Variants in CDH23 observed in about 807,000 individuals in gnomAD.
CDH23 encodes the protein cadherin-23.
A neutral mutation model predicts 317.1 loss-of-function variants in CDH23; 189 were observed. That is an observed-to-expected ratio of 0.60 (90% CI 0.53 to 0.67). CDH23 has a LOEUF of 0.67. Ranked by LOEUF, CDH23 falls within the 30% of genes least tolerant of loss-of-function variation. The pLI is 0.00. For synonymous variants in CDH23, 1,839 were observed against 1,876.8 expected (o/e 0.98, Z 0.52); for missense variants, 4,401 against 4,592.4 (o/e 0.96, Z 1.20).
intron 14 of CDH23, among the ~76,000 whole-genome samples, chr10:71,657,568 G>A (rs961573467): frequency 2.6e-5 from 4 of 152,130 alleles, no homozygotes; most frequent in Non-Finnish European, 2.9e-5. Flanking sequence ...AGGTAGGCCC[G>A]GTCCACAGGC....
At chr10:71,739,145 G>A (rs949544420) in intron 35 of CDH23, among the ~76,000 whole-genome samples, 7 of 152,226 alleles carry the variant, frequency 4.6e-5, no homozygotes, top group Non-Finnish European at 7.3e-5. Flanking sequence ...CTAGGGGGTC[G>A]AGGGATGCTG....
At chr10:71,480,393 CACTGCTG>C (rs1328539352) in intron 3 of CDH23, among the ~76,000 whole-genome samples, 1 of 152,262 alleles carries the variant, frequency 6.6e-6, no homozygotes, top group African/African-American at 2.4e-5. Context: ...AGGATGCAGA[CACTGCTG>C]TCCGGGTCGG....
At chr10:71,562,591 G>A (rs1044305568) in intron 6 of CDH23, among the ~76,000 whole-genome samples, 2 of 152,222 alleles carry the variant, frequency 1.3e-5, no homozygotes, top group Non-Finnish European at 2.9e-5. Context: ...CCCATGGCTG[G>A]GCATGTTCTG....
At chr10:71,556,562 G>T (rs1416343158) in intron 6 of CDH23, among the ~76,000 whole-genome samples, 1 of 151,602 alleles carries the variant, frequency 6.6e-6, no homozygotes, top group East Asian at 1.9e-4. Context: ...GTCCAGTCTG[G>T]GTGACAGAGC....
chr10:71,709,280 G>C, intron 27 of CDH23, 69 bp downstream of exon 27: 2 of 1,425,940 alleles, frequency 1.4e-6, no homozygotes, highest in Non-Finnish European at 2.0e-6. Flanking sequence ...CCTCCCAGGA[G>C]CTGGCCTTTT....
intron 9 of CDH23, among the ~76,000 whole-genome samples, chr10:71,593,445 C>T (rs940974626): frequency 6.6e-6 from 1 of 152,150 alleles, no homozygotes; most frequent in African/African-American, 2.4e-5. Flanking sequence ...ACCCCCGGAG[C>T]ACATGCCATA....
chr10:71,524,527 T>A (rs1480375025), intron 6 of CDH23, among the ~76,000 whole-genome samples: 1 of 152,146 alleles, frequency 6.6e-6, no homozygotes, highest in Non-Finnish European at 1.5e-5. Flanking sequence ...GGAAATCGCG[T>A]CATCTAATGG....
intron 6 of CDH23, among the ~76,000 whole-genome samples, chr10:71,547,926 T>C (rs937116683): frequency 2.6e-5 from 4 of 152,166 alleles, no homozygotes; most frequent in African/African-American, 9.7e-5. Context: ...AGCAGCCACT[T>C]GGCGTGCTTG....
chr10:71,417,077 C>CT (rs746799140), intron 1 of CDH23, among the ~76,000 whole-genome samples: 194 of 88,666 alleles, frequency 2.2e-3, no homozygotes, highest in East Asian at 0.019. Context: ...CTTTTCTTTT[C>CT]TTTTTTTTTT....
At chr10:71,680,767 A>G (rs1010539732) in intron 17 of CDH23, among the ~76,000 whole-genome samples, 1 of 148,400 alleles carries the variant, frequency 6.7e-6, no homozygotes, top group Non-Finnish European at 1.5e-5. Flanking sequence ...AAAAAAAGAA[A>G]AAGAAATTGC....
intron 9 of CDH23, among the ~76,000 whole-genome samples, chr10:71,596,802 C>T (rs758240147): frequency 1.3e-5 from 2 of 152,132 alleles, no homozygotes; most frequent in African/African-American, 4.8e-5. Flanking sequence ...GGGGGGAGCA[C>T]GTAGGATCTT....
At chr10:71,411,118 T>C (rs1195547936) in intron 1 of CDH23, among the ~76,000 whole-genome samples, 1 of 152,236 alleles carries the variant, frequency 6.6e-6, no homozygotes, top group Non-Finnish European at 1.5e-5. Flanking sequence ...AATTTTGGCT[T>C]TCTGCATTTA....
rs1230443599 is a variant in CDH23 at position 71,760,018 on chromosome 10, C to CATACAT, written c.4846-17661_4846-17660insTACATA. Among the ~76,000 whole-genome samples, 105 of 104,188 alleles carry CATACAT rather than the reference C, an allele frequency of 1.0e-3. 6 individuals carry two copies. The highest frequency in any genetic ancestry group is 1.6e-3 in the South Asian group (5 of 3,200). 68.4% of individuals were successfully genotyped at this position (104,188 alleles called of 152,430 possible). A position where few individuals can be genotyped will look rare whatever the true frequency, so the allele number is the denominator to read the frequency against. On this transcript the variant is annotated intron_variant, in intron 38 of 69. Coordinates refer to ENST00000224721, the MANE Select transcript of CDH23 (RefSeq NM_022124.6). ...ACACACATACATATATATACACACA[C>CATACAT]ACATATATACACACACACACATATA... is the stretch of plus-strand genomic sequence containing the variant.
Position 71,569,572 on chromosome 10 carries a change from C to A in CDH23, c.625-1218C>A, listed in dbSNP as rs144037275. Among the ~76,000 whole-genome samples the A allele has an allele frequency of 1.6e-4, 25 of 152,326 alleles. No homozygotes were observed. In the East Asian group the frequency reaches 3.7e-3, roughly 22 times the overall value. On this transcript the variant is annotated intron_variant, in intron 7 of 69. Transcript: ENST00000224721. ...TTACTCAGCAAATTAAGAGACCGAA[C>A]TGATGTTAGAGCCCCAAGTCAAAAC...
rs1401918755 is a variant in CDH23, at chr10:71,811,956, G to A, written c.9321G>A (p.Gly3107=). 1 of 1,613,614 alleles carries A rather than the reference G, an allele frequency of 6.2e-7. No individual in the cohort carries two copies. Among genetic ancestry groups the A allele is most frequent in the Non-Finnish European group, 8.5e-7 (1 of 1,179,788 alleles). ...ATGCCCCAACCCTTCTCCCTGCAGGGAATCGTGGCTTCATCGACATCATGG... is the reference window on the plus strand; with the variant it reads ...ATGCCCCAACCCTTCTCCCTGCAGGAAATCGTGGCTTCATCGACATCATGG... ...KLKAIVAGSA[G]NRGFIDIMDM... is the part of the protein sequence containing the mutation. The change falls in exon 66 of 70, where the codon GGG becomes GGA. Residue 3107 remains glycine, a splice_region_variant and synonymous_variant. Coordinates refer to ENST00000224721, the MANE Select transcript of CDH23 (RefSeq NM_022124.6).
intron 3 of CDH23, among the ~76,000 whole-genome samples, chr10:71,452,636 C>T (rs960118955): frequency 3.3e-5 from 5 of 152,182 alleles, no homozygotes; most frequent in African/African-American, 1.2e-4. Context: ...CTGTGAAAGC[C>T]CTCAGCACAC....
intron 37 of CDH23, 40 bp downstream of exon 37, chr10:71,740,990 G>T (rs537518881): frequency 6.2e-7 from 1 of 1,612,136 alleles, no homozygotes; most frequent in East Asian, 2.2e-5. Flanking sequence ...GGACATACGG[G>T]GGGACCGTGG....
intron 9 of CDH23, among the ~76,000 whole-genome samples, chr10:71,596,787 G>A (rs1473129581): frequency 6.6e-6 from 1 of 152,152 alleles, no homozygotes; most frequent in Non-Finnish European, 1.5e-5. Context: ...TTGCCGTGTT[G>A]GGCAGGGGGG....
rs113275050 is a variant in CDH23 at position 71,603,613 on chromosome 10, A to AGGG, written c.833-11886_833-11884dup. On this transcript the variant is annotated intron_variant, in intron 9 of 69. Transcript: ENST00000224721. ...GGTAACCGGGTGCCAAGCAGGCAGC[A>AGGG]GGGGGGGCCTCCTTTTCCTGCTCTC... Among the ~76,000 whole-genome samples the AGGG allele has an allele frequency of 2.2e-3, 342 of 152,264 alleles. 1 individual carries two copies. The highest frequency in any genetic ancestry group is 7.5e-3 in the African/African-American group (312 of 41,544).
Sources: allele counts gnomAD v4.1 joint callset (sites outside exome capture counted in the v4.1 genomes callset), GRCh38; gene constraint gnomAD v4.1.1; transcripts MANE v1.5; gene names NCBI Gene and HGNC (gene_info 2026-07-23, HGNC 2026-07-21).